MUC17: variants seen among roughly 807,000 people sequenced by gnomAD.
MUC17 encodes mucin 17, cell surface associated, also known as mucin-17.
MUC17 carries 190 observed loss-of-function variants against 170.3 expected under a neutral mutation model. The observed-to-expected ratio is 1.12, with a 90% CI of 0.99 to 1.26. MUC17 has a LOEUF of 1.26. MUC17 is among the 50% of genes most tolerant of loss of function. The pLI is 0.00. For synonymous variants in MUC17, 2,325 were observed against 2,002.5 expected (o/e 1.16, Z -4.30); for missense variants, 6,415 against 5,530.0 (o/e 1.16, Z -5.08).
In MUC17 at chr7:101,037,620, T is replaced by A; in HGVS notation, c.6204T>A (p.Pro2068=). 1.9e-6 allele frequency: 3 copies of A among 1,614,042 alleles called. No individual in the cohort carries two copies. Among genetic ancestry groups the A allele is most frequent in the Non-Finnish European group, 2.5e-6 (3 of 1,179,966 alleles). ...SSEGNTLSTT[P]VDSKTQVTNS... ...AGGGTAACACCCTTTCAACAACTCC[T>A]GTTGACTCCAAAACTCAGGTGACCA... Residue 2068 remains proline (P), a synonymous_variant, in exon 3 of 13, where the codon CCT becomes CCA. Coordinates refer to ENST00000306151, the MANE Select transcript of MUC17 (RefSeq NM_001040105.2).
intron 7 of MUC17, 28 bp downstream of exon 7, chr7:101,050,663 G>T: frequency 3.1e-6 from 5 of 1,608,296 alleles, no homozygotes; most frequent in Non-Finnish European, 4.2e-6. Flanking sequence ...AGGGAGGGAA[G>T]GGAGAAGGCA....
In MUC17 at chr7:101,042,869, CT is replaced by C. The variant is rs746731527; in HGVS notation, c.11454del (p.Val3819SerfsTer8). 11 of 1,614,062 alleles carry C rather than the reference CT, an allele frequency of 6.8e-6. No individual in the cohort carries two copies. The highest frequency in any genetic ancestry group is 8.5e-6 in the Non-Finnish European group (10 of 1,180,032). The part of the protein sequence containing the change: ...TTSERSTLLT[T>X]VLISPISVMS... ...AGTGAAAGAAGCACTTTATTGACAA[CT>C]GTCCTCATCAGCCCTATATCTGTGA... On this transcript the variant is annotated frameshift_variant, in exon 3 of 13. Transcript: ENST00000306151. LOFTEE classifies it high-confidence loss of function.
intron 1 of MUC17, 44 bp downstream of exon 1, chr7:101,020,261 A>AG: frequency 6.5e-7 from 1 of 1,527,554 alleles, no homozygotes; most frequent in Non-Finnish European, 8.9e-7. Context: ...CCCCCATCCC[A>AG]GGGGCCAGCC....
Position 101,039,662 on chromosome 7 carries a change from G to A in MUC17, c.8246G>A (p.Gly2749Glu), listed in dbSNP as rs1485980635. 3 of 1,603,874 alleles carry A rather than the reference G, an allele frequency of 1.9e-6. 1 individual carries two copies. ...TSMRISTPSD[G>E]STPLTSILVS... is the part of the protein sequence containing the mutation. ...ATGCGAATCTCAACTCCTAGTGATG[G>A]AAGTACTCCATTAACAAGTATACTT... Residue 2749 changes from glycine (G) to glutamate (E), a missense_variant, in exon 3 of 13, where the codon GGA becomes GAA. Coordinates refer to ENST00000306151, the MANE Select transcript of MUC17 (RefSeq NM_001040105.2).
chr7:101,036,342 G>T lies in MUC17; in HGVS notation c.4926G>T (p.Pro1642=). 16 of 1,613,292 alleles carry T rather than the reference G, an allele frequency of 9.9e-6. No homozygotes were observed. Among genetic ancestry groups the T allele is most frequent in the Non-Finnish European group, 1.4e-5 (16 of 1,179,778 alleles). ...CAAGTATACCTGTCAGCACCACGCC[G>T]GTGGCCAGTCCTGAGGCTAGCACCC... The part of the protein sequence containing the change: ...LLTSIPVSTT[P]VASPEASTLS... The change falls in exon 3 of 13, where the codon CCG becomes CCT. Residue 1642 remains proline, a synonymous_variant. Coordinates refer to ENST00000306151, the MANE Select transcript of MUC17 (RefSeq NM_001040105.2).
chr7:101,055,515 G>A (rs968339006), intron 11 of MUC17, among the ~76,000 whole-genome samples: 4 of 152,170 alleles, frequency 2.6e-5, no homozygotes, highest in Non-Finnish European at 5.9e-5. Flanking sequence ...GTACAATCTC[G>A]AAATAGATAA....
chr7:101,024,736 TCC>T, intron 1 of MUC17, among the ~76,000 whole-genome samples: 1 of 143,558 alleles, frequency 7.0e-6, no homozygotes, highest in African/African-American at 2.6e-5. Flanking sequence ...CTCTGTCTCC[TCC>T]TTTTTTTTTT....
rs548952598 is a variant in MUC17 at position 101,041,111 on chromosome 7, C to A, written c.9695C>A (p.Thr3232Lys). The part of the protein sequence containing the change: ...TPLTSVPVSN[T>K]PVASSEASIL... The stretch of plus-strand genomic sequence containing the variant: ...TTAACTAGTGTACCTGTCAGCAACA[C>A]GCCGGTGGCCAGTTCTGAGGCTAGC... Residue 3232 changes from threonine to lysine, a missense_variant, in exon 3 of 13, where the codon ACG (threonine) becomes AAG (lysine). By Grantham distance (78) the Thr-to-Lys change is moderately conservative (BLOSUM62 -1). Coordinates refer to ENST00000306151, the MANE Select transcript of MUC17 (RefSeq NM_001040105.2). The A allele has an allele frequency of 2.5e-6, 4 of 1,613,672 alleles. No individual in the cohort carries two copies. The highest frequency in any genetic ancestry group is 3.4e-6 in the Non-Finnish European group (4 of 1,179,862).
chr7:101,051,659 G>A lies in MUC17; in HGVS notation c.12921G>A (p.Thr4307=), dbSNP rs149949866. Residue 4307 remains threonine (T), a synonymous_variant, in exon 8 of 13, where the codon ACG becomes ACA. Transcript: ENST00000306151. ...NTTGTQVQNI[T]VTQYDPEEDC... is the part of the protein sequence containing the mutation. ...CTGGCACCCAAGTGCAAAACATTAC[G>A]GTGACCCAGTACGACCCTGAAGGTA... 106 of 1,611,356 alleles carry A rather than the reference G, an allele frequency of 6.6e-5. No individual in the cohort carries two copies. Among genetic ancestry groups the A allele is most frequent in the Middle Eastern group, 1.7e-4 (1 of 6,054 alleles).
chr7:101,051,791 AC>A lies in MUC17; in HGVS notation c.12944-6del, dbSNP rs756207920. ...GATCACGGCTGTTCCCTGTCCCTGC[AC>A]CCCCCACCAGAGGACTGCCGGAAGA... On this transcript the variant is annotated splice_polypyrimidine_tract_variant and intron_variant, in intron 8 of 12. Coordinates refer to ENST00000306151, the MANE Select transcript of MUC17 (RefSeq NM_001040105.2). 1.6e-5 allele frequency: 26 copies of A among 1,611,522 alleles called. No individual in the cohort carries two copies. Among genetic ancestry groups the A allele is most frequent in the Non-Finnish European group, 1.4e-5 (17 of 1,178,296 alleles).
chr7:101,022,809 C>T (rs546965360), intron 1 of MUC17, among the ~76,000 whole-genome samples: 1 of 152,002 alleles, frequency 6.6e-6, no homozygotes, highest in South Asian at 2.1e-4. Flanking sequence ...GAGTGAGACC[C>T]TGTCTCTAAA....
chr7:101,020,870 G>A (rs1456875137), intron 1 of MUC17, among the ~76,000 whole-genome samples: 1 of 152,136 alleles, frequency 6.6e-6, no homozygotes, highest in Non-Finnish European at 1.5e-5. Context: ...ACCCCGGGGG[G>A]CTCAGAGCAG....
Position 101,039,999 on chromosome 7 carries a change from C to A in MUC17, c.8583C>A (p.Ile2861=), listed in dbSNP as rs574974933. 2.5e-6 allele frequency: 4 copies of A among 1,613,384 alleles called. No individual in the cohort carries two copies. Among genetic ancestry groups the A allele is most frequent in the African/African-American group, 2.7e-5 (2 of 74,894 alleles). ...PTTAEGIVVP[I]STASEGSTLL... Reference sequence around the variant, plus strand: ...CTGCTGAAGGTATCGTCGTGCCAATCTCAACTGCTAGTGAAGGAAGTACTC... The same window carrying A: ...CTGCTGAAGGTATCGTCGTGCCAATATCAACTGCTAGTGAAGGAAGTACTC... The change falls in exon 3 of 13, where the codon ATC becomes ATA. Residue 2861 remains isoleucine, a synonymous_variant. Coordinates refer to ENST00000306151, the MANE Select transcript of MUC17 (RefSeq NM_001040105.2).
At chr7:101,030,984 C>T in intron 1 of MUC17, 136 bp from the exon 2 acceptor site, 1 of 1,122,002 alleles carries the variant, frequency 8.9e-7, no homozygotes, top group Non-Finnish European at 1.2e-6. Context: ...GTCCTGATGG[C>T]TGATTTCTAA....
rs1478297854 is a variant in MUC17, at chr7:101,035,511, C to T, written c.4095C>T (p.Ser1365=). The change falls in exon 3 of 13, where the codon AGC becomes AGT. Residue 1365 remains serine (S), a synonymous_variant. Coordinates refer to ENST00000306151, the MANE Select transcript of MUC17 (RefSeq NM_001040105.2). ...SILSTTPVDN[S]TPVTTSTEAC... Reference sequence around the variant, plus strand: ...TTTCAACAACTCCTGTTGACAACAGCACACCTGTGACCACTTCTACTGAAG... The same window carrying T: ...TTTCAACAACTCCTGTTGACAACAGTACACCTGTGACCACTTCTACTGAAG... The T allele has an allele frequency of 8.2e-5, 131 of 1,596,482 alleles. No homozygotes were observed. Among genetic ancestry groups the T allele is most frequent in the Non-Finnish European group, 1.1e-4 (130 of 1,169,294 alleles).
In MUC17 at chr7:101,034,693, A is replaced by C; in HGVS notation, c.3277A>C (p.Thr1093Pro). ...AACTGCTGACGGTACCAGCATGCCA[A>C]CCTCAACTTATAGTGAAGGAAGCAC... is the stretch of plus-strand genomic sequence containing the variant. ...STTADGTSMP[T>P]STYSEGSTPL... is the part of the protein sequence containing the mutation. The change falls in exon 3 of 13, where the codon ACC becomes CCC. Residue 1093 changes from threonine (T) to proline (P), a missense_variant. By Grantham distance (38) the Thr-to-Pro change is conservative. Coordinates refer to ENST00000306151, the MANE Select transcript of MUC17 (RefSeq NM_001040105.2). 6.4e-7 allele frequency: 1 copy of C among 1,554,412 alleles called. No homozygotes were observed. The highest frequency in any genetic ancestry group is 8.7e-7 in the Non-Finnish European group (1 of 1,150,120).
rs142907950 is a variant in MUC17, at chr7:101,054,740, A to G, written c.13363+1304A>G. 2.5e-3 allele frequency among the ~76,000 whole-genome samples: 384 copies of G among 152,292 alleles called. 1 individual carries two copies. Among genetic ancestry groups the G allele is most frequent in the African/African-American group, 8.6e-3 (356 of 41,574 alleles). On this transcript the variant is annotated intron_variant, in intron 11 of 12. Coordinates refer to ENST00000306151, the MANE Select transcript of MUC17 (RefSeq NM_001040105.2). The stretch of plus-strand genomic sequence containing the variant: ...GAGGCTGAGTCAGGAGGATCACTTG[A>G]GCCCAGGAGGTCAAGGCTGCGTGAG...
chr7:101,036,521 T>G lies in MUC17; in HGVS notation c.5105T>G (p.Val1702Gly), dbSNP rs749845873. Residue 1702 changes from valine to glycine, a missense_variant, in exon 3 of 13, where the codon GTG (valine) becomes GGG (glycine). Coordinates refer to ENST00000306151, the MANE Select transcript of MUC17 (RefSeq NM_001040105.2). Reference sequence around the variant, plus strand: ...AGTATAACTGTCAGAACAACACCGGTGGCCAGCTCTGCAATCAGCACCCTT... The same window carrying G: ...AGTATAACTGTCAGAACAACACCGGGGGCCAGCTCTGCAATCAGCACCCTT... ...LTSITVRTTP[V>G]ASSAISTLST... is the part of the protein sequence containing the mutation. 5.0e-6 allele frequency: 8 copies of G among 1,610,630 alleles called. No individual in the cohort carries two copies. The highest frequency in any genetic ancestry group is 6.8e-6 in the Non-Finnish European group (8 of 1,178,126).
intron 4 of MUC17, 149 bp from the exon 5 acceptor site, chr7:101,048,696 T>G: frequency 1.9e-5 from 13 of 676,436 alleles, no homozygotes; most frequent in South Asian, 7.4e-5. Context: ...GAAAAGGAAA[T>G]AAAACAAGAA....
Sources: gnomAD v4.1 joint callset for allele counts (sites outside exome capture counted in the v4.1 genomes callset) on GRCh38, gnomAD v4.1.1 for gene constraint, MANE v1.5 for transcripts, NCBI Gene and HGNC (gene_info 2026-07-23, HGNC 2026-07-21) for gene names.